The following PARN variants were observed in gnomAD, a reference collection of about 807,000 sequenced individuals.
PARN encodes the protein poly(A)-specific ribonuclease, also known as poly(A)-specific ribonuclease PARN.
In PARN, 71 loss-of-function variants were observed where a neutral mutation model predicts 102.8. That is an observed-to-expected ratio of 0.69 (90% confidence interval 0.57 to 0.84). PARN has a LOEUF of 0.84. PARN is among the 40% of genes least tolerant of loss of function. The pLI is 0.00. For missense variants in PARN, 782 were observed against 760.9 expected (o/e 1.03, Z -0.33); for synonymous variants, 261 against 252.9 (o/e 1.03, Z -0.30).
At chr16:14,556,989 A>G (rs930346194) in intron 18 of PARN, among the ~76,000 whole-genome samples, 4 of 152,206 alleles carry the variant, frequency 2.6e-5, no homozygotes, top group Admixed American at 1.3e-4. Flanking sequence ...TTATCTTCCA[A>G]AATGGGTACA....
chr16:14,628,672 A>G lies in PARN; in HGVS notation c.98-421T>C, dbSNP rs573721915. On this transcript the variant is annotated intron_variant, in intron 2 of 23. Coordinates refer to ENST00000437198, the MANE Select transcript of PARN (RefSeq NM_002582.4). The stretch of plus-strand genomic sequence containing the variant: ...TCTATGCAAAGAATGTATCTTCAAG[A>G]TTAAGAGAAAATTATTTCTCTAAGT... Among the ~76,000 whole-genome samples the G allele has an allele frequency of 1.0e-3, 153 of 152,342 alleles. 1 individual carries two copies. The highest frequency in any genetic ancestry group is 3.4e-3 in the African/African-American group (140 of 41,590).
At chr16:14,545,717 T>TC (rs1280339999) in intron 21 of PARN, among the ~76,000 whole-genome samples, 1 of 152,204 alleles carries the variant, frequency 6.6e-6, no homozygotes, top group African/African-American at 2.4e-5. Flanking sequence ...TTGAGTCTGT[T>TC]CCCTAACTTA....
chr16:14,492,951 C>T (rs1207222595), intron 21 of PARN, among the ~76,000 whole-genome samples: 1 of 152,094 alleles, frequency 6.6e-6, no homozygotes, highest in Non-Finnish European at 1.5e-5. Flanking sequence ...TATCACAGGG[C>T]CTGAGACACA....
intron 10 of PARN, among the ~76,000 whole-genome samples, chr16:14,605,230 C>T (rs563763158): frequency 6.6e-6 from 1 of 152,286 alleles, no homozygotes; most frequent in South Asian, 2.1e-4. Flanking sequence ...AGGCCTGAGC[C>T]ACCATGCCCA....
intron 21 of PARN, among the ~76,000 whole-genome samples, chr16:14,534,173 C>T (rs990893868): frequency 1.3e-5 from 2 of 149,690 alleles, no homozygotes; most frequent in Admixed American, 6.7e-5. Flanking sequence ...GAACCAAGAT[C>T]GCGCCACTGC....
At chr16:14,486,194 C>T (rs893997305) in intron 21 of PARN, among the ~76,000 whole-genome samples, 2 of 152,048 alleles carry the variant, frequency 1.3e-5, no homozygotes, top group Admixed American at 1.3e-4. Context: ...ATTCTCCACA[C>T]ACACACAAAA....
intron 17 of PARN, among the ~76,000 whole-genome samples, chr16:14,581,730 G>T (rs906686130): frequency 1.3e-5 from 2 of 152,102 alleles, no homozygotes; most frequent in African/African-American, 4.8e-5. Context: ...GATCAGCCTG[G>T]TTAACACAGC....
chr16:14,555,013 G>A (rs927129278), intron 19 of PARN, among the ~76,000 whole-genome samples: 1 of 152,194 alleles, frequency 6.6e-6, no homozygotes, highest in African/African-American at 2.4e-5. Flanking sequence ...TTAGCATACA[G>A]AATTCTTGTG....
At chr16:14,486,130 G>A (rs1963673655) in intron 21 of PARN, among the ~76,000 whole-genome samples, 1 of 152,184 alleles carries the variant, frequency 6.6e-6, no homozygotes, top group Admixed American at 6.5e-5. Context: ...CAAGGCAGGA[G>A]GACTGCTTGA....
rs115587316 is a variant in PARN at position 14,611,216 on chromosome 16, C to T, written c.389-407G>A. ...GGTAGGGGAAACAAGTATTAATACC[C>T]AGAACATGGAAATGGCTTGGACGGT... On this transcript the variant is annotated intron_variant, in intron 6 of 23. Transcript: ENST00000437198. Among the ~76,000 whole-genome samples, 499 of 152,238 alleles carry T rather than the reference C, an allele frequency of 3.3e-3. 4 individuals carry two copies. The highest frequency in any genetic ancestry group is 0.012 in the African/African-American group (479 of 41,532).
chr16:14,586,523 C>G (rs925403718), intron 13 of PARN, among the ~76,000 whole-genome samples, 162 bp from the exon 14 acceptor site: 1 of 152,090 alleles, frequency 6.6e-6, no homozygotes, highest in African/African-American at 2.4e-5. Flanking sequence ...ACAAAAAAAA[C>G]ACAAAACCTT....
chr16:14,628,649 T>A (rs916516416), intron 2 of PARN, among the ~76,000 whole-genome samples: 1 of 152,206 alleles, frequency 6.6e-6, no homozygotes, highest in Non-Finnish European at 1.5e-5. Flanking sequence ...GGTTAATATC[T>A]ATGCAAAGAA....
chr16:14,550,132 A>G (rs959969197), intron 21 of PARN, among the ~76,000 whole-genome samples: 2 of 152,300 alleles, frequency 1.3e-5, no homozygotes, highest in Middle Eastern at 3.4e-3. Flanking sequence ...CTGAAGCCTC[A>G]CTGTAACTGT....
chr16:14,545,083 G>A, intron 21 of PARN, among the ~76,000 whole-genome samples: 1 of 152,164 alleles, frequency 6.6e-6, no homozygotes, highest in Non-Finnish European at 1.5e-5. Context: ...AGCTACTCAG[G>A]AAGCTGAAGT....
chr16:14,505,085 C>T (rs1369075075), intron 21 of PARN, among the ~76,000 whole-genome samples: 1 of 152,162 alleles, frequency 6.6e-6, no homozygotes, highest in Non-Finnish European at 1.5e-5. Context: ...TGCAAGATGC[C>T]AAATTTCAGA....
At chr16:14,524,376 C>T (rs1016494050) in intron 21 of PARN, among the ~76,000 whole-genome samples, 13 of 152,140 alleles carry the variant, frequency 8.5e-5, no homozygotes, top group African/African-American at 3.1e-4. Flanking sequence ...ACCTTCCTGT[C>T]CAAACATGAA....
At chr16:14,593,491 T>TAAAAAAAAA (rs1567426174) in intron 12 of PARN, 113 bp from the exon 13 acceptor site, 11 of 27,602 alleles carry the variant, frequency 4.0e-4, no homozygotes, top group Non-Finnish European at 4.7e-4. Flanking sequence ...CTTTCCAGAC[T>TAAAAAAAAA]TAAAAAAAAA....
At chr16:14,625,529 C>G (rs139181669) in intron 5 of PARN, among the ~76,000 whole-genome samples, 332 of 152,194 alleles carry the variant, frequency 2.2e-3, no homozygotes, top group African/African-American at 7.7e-3. Context: ...TTTATAAATA[C>G]TCTTTAAGTA....
At chr16:14,569,062 A>T (rs1400657675) in intron 18 of PARN, among the ~76,000 whole-genome samples, 1 of 143,616 alleles carries the variant, frequency 7.0e-6, no homozygotes, top group East Asian at 2.1e-4. Flanking sequence ...AAATACAAAA[A>T]TTTGCCGGGT....
Sources: gnomAD v4.1 joint callset for allele counts (sites outside exome capture counted in the v4.1 genomes callset) on GRCh38, gnomAD v4.1.1 for gene constraint, MANE v1.5 for transcripts, NCBI Gene and HGNC (gene_info 2026-07-23, HGNC 2026-07-21) for gene names.